NXNL2: variants seen among roughly 807,000 people sequenced by gnomAD.
NXNL2 encodes nucleoredoxin like 2, also known as nucleoredoxin-like protein 2.
A neutral mutation model predicts 11.1 loss-of-function variants in NXNL2; 7 were observed. The ratio of observed to expected loss-of-function variants is 0.63; its 90% CI spans 0.36 to 1.18. NXNL2 has a LOEUF of 1.18. Among genes scored for constraint, NXNL2 ranks in the 50% most tolerant of loss-of-function variants. The probability of loss-of-function intolerance (pLI) is 0.02; values close to 1 mark genes in which losing one functional copy is unlikely to be tolerated. For synonymous variants in NXNL2, 109 were observed against 101.8 expected (o/e 1.07, Z -0.42); for missense variants, 233 against 217.7 (o/e 1.07, Z -0.44).
At chr9:88,582,687 T>C (rs1328871609) in intron 1 of NXNL2, among the ~76,000 whole-genome samples, 1 of 145,118 alleles carries the variant, frequency 6.9e-6, no homozygotes, top group Admixed American at 6.9e-5. Context: ...TTCTTTCTTC[T>C]TTTGACAGTC....
At chr9:88,552,473 G>GTTTTTTTTTTT (rs59133640) in intron 1 of NXNL2, among the ~76,000 whole-genome samples, 2 of 131,566 alleles carry the variant, frequency 1.5e-5, no homozygotes, top group African/African-American at 5.6e-5. Flanking sequence ...AAACATGCAT[G>GTTTTTTTTTTT]TTTTTTTTTT....
At chr9:88,545,662 T>C (rs1829835851), downstream of NXNL2, among the ~76,000 whole-genome samples, 2 of 152,202 alleles carry the variant, frequency 1.3e-5, no homozygotes, top group Admixed American at 1.3e-4. Flanking sequence ...TGACTAAGGA[T>C]GCATTTACAC....
intron 1 of NXNL2, among the ~76,000 whole-genome samples, chr9:88,569,541 G>A (rs576213480): frequency 8.8e-4 from 134 of 152,094 alleles, no homozygotes; most frequent in African/African-American, 3.1e-3. Flanking sequence ...TTTAATAATG[G>A]CAGAGACATA....
In NXNL2 at chr9:88,574,656, A is replaced by G. The variant is rs566920513; in HGVS notation, c.*17-431A>G. On this transcript the variant is annotated intron_variant, in intron 2 of 2. Transcript: ENST00000375855. ...TTGTCCACAGGAATTTCAGTAAGAAATAGGGCAGTGGAGATTTTGAGGTGG... is the reference window on the plus strand; with the variant it reads ...TTGTCCACAGGAATTTCAGTAAGAAGTAGGGCAGTGGAGATTTTGAGGTGG... Among the ~76,000 whole-genome samples the G allele has an allele frequency of 5.9e-5, 9 of 152,364 alleles. No individual in the cohort carries two copies. In the East Asian group the frequency reaches 1.7e-3, roughly 29 times the overall value.
intron 1 of NXNL2, among the ~76,000 whole-genome samples, chr9:88,581,100 G>A (rs1830404077): frequency 6.6e-6 from 1 of 152,194 alleles, no homozygotes; most frequent in South Asian, 2.1e-4. Context: ...TCTCCTCGGG[G>A]CAGTTGCTAT....
At chr9:88,549,286 G>A (rs994064344), downstream of NXNL2, among the ~76,000 whole-genome samples, 1 of 152,100 alleles carries the variant, frequency 6.6e-6, no homozygotes, top group African/African-American at 2.4e-5. Context: ...CTGTCAACCC[G>A]ATGTCACCCT....
chr9:88,558,532 T>C (rs1287745323), intron 1 of NXNL2, among the ~76,000 whole-genome samples: 1 of 151,980 alleles, frequency 6.6e-6, no homozygotes, highest in Non-Finnish European at 1.5e-5. Context: ...AAGGAGAGGG[T>C]CATGGGAACC....
chr9:88,555,778 G>A (rs1209763998), intron 1 of NXNL2, among the ~76,000 whole-genome samples: 2 of 152,146 alleles, frequency 1.3e-5, no homozygotes, highest in Non-Finnish European at 2.9e-5. Context: ...TTAGCCTGGC[G>A]GGCTGCGCTC....
chr9:88,564,278 CTATCTATT>C (rs1564074643), intron 1 of NXNL2, among the ~76,000 whole-genome samples: 2 of 122,544 alleles, frequency 1.6e-5, no homozygotes, highest in African/African-American at 6.3e-5. Context: ...GTCTATCTAT[CTATCTATT>C]ATCTATCTAT....
In NXNL2 at chr9:88,535,728, C is replaced by T. The variant is rs557292281; in HGVS notation, c.294C>T (p.Pro98=). 1 of 1,572,734 alleles carries T rather than the reference C, an allele frequency of 6.4e-7. No homozygotes were observed. Among genetic ancestry groups the T allele is most frequent in the Non-Finnish European group, 8.6e-7 (1 of 1,166,280 alleles). The change falls in exon 1 of 2, where the codon CCC becomes CCT. Residue 98 remains proline (P), a synonymous_variant. Transcript: ENST00000375854. Reference sequence around the variant, plus strand: ...GGCTGGCGCTGCCCTTCCACGACCCCTACCGGCAGTGAGTGGGGGTCCTGG... The same window carrying T: ...GGCTGGCGCTGCCCTTCCACGACCCTTACCGGCAGTGAGTGGGGGTCCTGG... ...GAWLALPFHD[P]YRHELRKRYN...
chr9:88,562,905 T>C (rs1012993837), intron 1 of NXNL2, among the ~76,000 whole-genome samples: 1 of 151,974 alleles, frequency 6.6e-6, no homozygotes, highest in Non-Finnish European at 1.5e-5. Context: ...CTGGCCAACA[T>C]GGTGAAACCC....
downstream of NXNL2, among the ~76,000 whole-genome samples, chr9:88,548,888 G>A (rs1829888520): frequency 6.6e-6 from 1 of 152,030 alleles, no homozygotes; most frequent in African/African-American, 2.4e-5. Flanking sequence ...CCTCATAAAT[G>A]GGAGTAGTGT....
chr9:88,565,003 A>G (rs1452336266), intron 1 of NXNL2, among the ~76,000 whole-genome samples: 1 of 152,144 alleles, frequency 6.6e-6, no homozygotes, highest in Admixed American at 6.5e-5. Context: ...ATATCCATTG[A>G]GTAGCAACCT....
At chr9:88,564,357 C>T (rs1045231482) in intron 1 of NXNL2, among the ~76,000 whole-genome samples, 8 of 151,134 alleles carry the variant, frequency 5.3e-5, no homozygotes, top group Non-Finnish European at 8.8e-5. Flanking sequence ...ATTTATCTGT[C>T]ATCTATTATC....
intron 2 of NXNL2, among the ~76,000 whole-genome samples, chr9:88,572,008 G>A (rs1317312957): frequency 1.3e-5 from 2 of 152,184 alleles, no homozygotes; most frequent in African/African-American, 4.8e-5. Context: ...AACAAATGGA[G>A]AAGGTGAATA....
chr9:88,536,270 G>T (rs752111395), intron 1 of NXNL2, among the ~76,000 whole-genome samples: 1 of 152,184 alleles, frequency 6.6e-6, no homozygotes, highest in Non-Finnish European at 1.5e-5. Context: ...TGGGAGGGAG[G>T]GACGGGGGCT....
Position 88,535,285 on chromosome 9 carries a change from G to A in NXNL2, c.-150G>A. The A allele has an allele frequency of 5.7e-6, 4 of 696,952 alleles. No homozygotes were observed. In the South Asian group the frequency reaches 7.8e-5, roughly 14 times the overall value. 43.2% of individuals were successfully genotyped at this position (696,952 alleles called of 1,614,324 possible). A position where few individuals can be genotyped will look rare whatever the true frequency, so the allele number is the denominator to read the frequency against. On this transcript the variant is annotated 5_prime_UTR_variant, in exon 1 of 2. Transcript: ENST00000375854. ...CCAGCCACAGGCGAGGCCTGGCCAA[G>A]GTGTGGGCGCATCTGGGGCAGGTCT... is the stretch of plus-strand genomic sequence containing the variant.
At chr9:88,571,094 C>T in exon 2 of NXNL2, 1 of 417,340 alleles carries the variant, frequency 2.4e-6, no homozygotes, top group Non-Finnish European at 4.7e-6. Flanking sequence ...CAGACGGAGT[C>T]TCGCTCTGTT....
At position 88,562,300 on chromosome 9, in the gene NXNL2, C is replaced by A. The variant is rs147266152; in HGVS notation, c.303-8787C>A. On this transcript the variant is annotated intron_variant, in intron 1 of 2. Transcript: ENST00000375855. Reference sequence around the variant, plus strand: ...GAGGGGTGGTTAGAAATGCAAAGGGCACCCAAGGGTGCGGCTGGGGGCGGC... The same window carrying A: ...GAGGGGTGGTTAGAAATGCAAAGGGAACCCAAGGGTGCGGCTGGGGGCGGC... Among the ~76,000 whole-genome samples the A allele has an allele frequency of 3.0e-4, 45 of 152,234 alleles. No individual in the cohort carries two copies. In the East Asian group the frequency reaches 7.0e-3, roughly 24 times the overall value.
Sources: gnomAD v4.1 joint callset for allele counts (sites outside exome capture counted in the v4.1 genomes callset) on GRCh38, gnomAD v4.1.1 for gene constraint, MANE v1.5 for transcripts, NCBI Gene and HGNC (gene_info 2026-07-23, HGNC 2026-07-21) for gene names.